The following TAS2R1 variants were observed in gnomAD, a reference collection of about 807,000 sequenced individuals.
TAS2R1 encodes taste 2 receptor member 1.
For missense variants in TAS2R1, 370 were observed against 353.4 expected (o/e 1.05, Z -0.38); for synonymous variants, 141 against 134.2 (o/e 1.05, Z -0.35).
At chr5:9,811,178 TCAC>T in the TAS2R1 span, among the ~76,000 whole-genome samples, 2 of 152,116 alleles carry the variant, frequency 1.3e-5, no homozygotes, top group African/African-American at 4.8e-5. Flanking sequence ...CCCAGACACT[TCAC>T]CATGCGAGGA....
At chr5:9,648,474 C>T (rs967621088) in intron 2 of TAS2R1, among the ~76,000 whole-genome samples, 2 of 151,796 alleles carry the variant, frequency 1.3e-5, no homozygotes, top group East Asian at 3.9e-4. Context: ...GATGAAGATC[C>T]CAATGCACTG....
At chr5:9,846,849 C>CT in the TAS2R1 span, among the ~76,000 whole-genome samples, 5 of 152,326 alleles carry the variant, frequency 3.3e-5, no homozygotes, top group African/African-American at 1.2e-4. Flanking sequence ...CTCACTAACC[C>CT]TTTTTATGCT....
chr5:9,900,416 T>C, the TAS2R1 span, among the ~76,000 whole-genome samples: 1 of 152,238 alleles, frequency 6.6e-6, no homozygotes, highest in South Asian at 2.1e-4. Context: ...TCTTCTCTTA[T>C]GGATTAAATG....
the TAS2R1 span, among the ~76,000 whole-genome samples, chr5:9,877,276 CT>C: frequency 1.3e-3 from 202 of 152,346 alleles, no homozygotes; most frequent in African/African-American, 4.7e-3. Context: ...ATGTTTTCCA[CT>C]CTTGAATAAC....
chr5:9,693,143 C>A (rs751015913), intron 1 of TAS2R1, among the ~76,000 whole-genome samples: 9 of 152,066 alleles, frequency 5.9e-5, no homozygotes, highest in Non-Finnish European at 1.0e-4. Flanking sequence ...CTTCATCCCC[C>A]AAAGTGAAAA....
intron 1 of TAS2R1, among the ~76,000 whole-genome samples, chr5:9,710,935 T>C (rs999888044): frequency 3.5e-5 from 5 of 144,906 alleles, no homozygotes; most frequent in African/African-American, 1.3e-4. Flanking sequence ...ATATATATAA[T>C]ATATTATATA....
intron 1 of TAS2R1, among the ~76,000 whole-genome samples, chr5:9,671,910 A>G (rs1179846865): frequency 6.6e-6 from 1 of 152,174 alleles, no homozygotes; most frequent in Non-Finnish European, 1.5e-5. Flanking sequence ...CTAAAACACA[A>G]CAGTAAACAA....
chr5:9,795,472 C>T, the TAS2R1 span, among the ~76,000 whole-genome samples: 1 of 152,034 alleles, frequency 6.6e-6, no homozygotes, highest in Non-Finnish European at 1.5e-5. Context: ...TACTTCAAGC[C>T]TTAATTGCCT....
the TAS2R1 span, among the ~76,000 whole-genome samples, chr5:9,728,884 C>T: frequency 3.9e-5 from 6 of 152,228 alleles, no homozygotes; most frequent in African/African-American, 7.2e-5. Flanking sequence ...AACTGAGGCC[C>T]GGCGCAGTTA....
the TAS2R1 span, among the ~76,000 whole-genome samples, chr5:9,894,404 C>CAAAAACAAAAACA: frequency 3.5e-4 from 46 of 130,024 alleles, no homozygotes; most frequent in African/African-American, 1.2e-3. Context: ...AAAACAAAAA[C>CAAAAACAAAAACA]AAAAAAAAAC....
chr5:9,760,383 C>T, the TAS2R1 span, among the ~76,000 whole-genome samples: 1 of 152,136 alleles, frequency 6.6e-6, no homozygotes, highest in Non-Finnish European at 1.5e-5. Flanking sequence ...CATGCAAAGA[C>T]ATTATAAGAC....
At chr5:9,746,942 T>A in the TAS2R1 span, among the ~76,000 whole-genome samples, 1 of 151,828 alleles carries the variant, frequency 6.6e-6, no homozygotes, top group African/African-American at 2.4e-5. Context: ...ATAAATAAAA[T>A]TTAAAAAGAA....
chr5:9,899,203 C>T, the TAS2R1 span, among the ~76,000 whole-genome samples: 1,631 of 152,218 alleles, frequency 0.011, 35 homozygotes, highest in African/African-American at 0.037. Flanking sequence ...GGATGTATGA[C>T]CACCAGAGGA....
the TAS2R1 span, among the ~76,000 whole-genome samples, chr5:9,732,425 T>C: frequency 6.6e-6 from 1 of 152,164 alleles, no homozygotes; most frequent in African/African-American, 2.4e-5. Context: ...CTCGTTTACA[T>C]ATAAGGCTCT....
chr5:9,896,778 C>T, the TAS2R1 span, among the ~76,000 whole-genome samples: 2 of 152,160 alleles, frequency 1.3e-5, no homozygotes, highest in Non-Finnish European at 2.9e-5. Flanking sequence ...ATTTGCCACA[C>T]TAGTTAATTA....
At chr5:9,642,315 G>A (rs1244559079) in intron 2 of TAS2R1, among the ~76,000 whole-genome samples, 1 of 152,138 alleles carries the variant, frequency 6.6e-6, no homozygotes, top group Non-Finnish European at 1.5e-5. Flanking sequence ...AACAATTCCT[G>A]CTTTAAGAAA....
the TAS2R1 span, among the ~76,000 whole-genome samples, chr5:9,876,234 C>CA: frequency 0.028 from 3,441 of 120,990 alleles, 110 homozygotes; most frequent in African/African-American, 0.084. Flanking sequence ...GACGACAAAC[C>CA]AAAAAAAAAA....
At chr5:9,799,647 A>C in the TAS2R1 span, among the ~76,000 whole-genome samples, 3 of 152,232 alleles carry the variant, frequency 2.0e-5, no homozygotes, top group Non-Finnish European at 4.4e-5. Context: ...TCACTAAATT[A>C]GGGGGCATAA....
chr5:9,727,470 C>T, the TAS2R1 span, among the ~76,000 whole-genome samples: 7 of 152,176 alleles, frequency 4.6e-5, no homozygotes, highest in African/African-American at 1.2e-4. Flanking sequence ...ATCTTACAGC[C>T]GAAAGCCATG....
Sources: gnomAD v4.1 joint callset for allele counts (sites outside exome capture counted in the v4.1 genomes callset) on GRCh38, gnomAD v4.1.1 for gene constraint, MANE v1.5 for transcripts, NCBI Gene and HGNC (gene_info 2026-07-23, HGNC 2026-07-21) for gene names.